The following LDLRAD3 variants were observed in gnomAD, a reference collection of about 807,000 sequenced individuals.
LDLRAD3 encodes low density lipoprotein receptor class A domain containing 3.
LDLRAD3 carries 20 observed loss-of-function variants against 29.4 expected under a neutral mutation model. The ratio of observed to expected loss-of-function variants is 0.68; its 90% CI spans 0.48 to 0.99. The LOEUF is 0.99. LDLRAD3 is among the 50% of genes least tolerant of loss of function. The pLI is 0.00. For synonymous variants in LDLRAD3, 157 were observed against 192.7 expected (o/e 0.81, Z 1.53); for missense variants, 420 against 454.3 (o/e 0.92, Z 0.69).
intron 2 of LDLRAD3, among the ~76,000 whole-genome samples, chr11:36,066,554 T>C (rs950301317): frequency 1.1e-4 from 16 of 152,240 alleles, no homozygotes; most frequent in Non-Finnish European, 2.1e-4. Context: ...CATATGTGTG[T>C]GCATTACAAA....
chr11:36,174,678 C>T (rs1468778861), intron 4 of LDLRAD3, among the ~76,000 whole-genome samples: 1 of 152,170 alleles, frequency 6.6e-6, no homozygotes, highest in African/African-American at 2.4e-5. Context: ...CCATCTCACA[C>T]CAGTTAGAAT....
chr11:36,021,772 G>C (rs1307341928), intron 1 of LDLRAD3, among the ~76,000 whole-genome samples: 1 of 152,162 alleles, frequency 6.6e-6, no homozygotes. Context: ...CTCCTGAGTA[G>C]CTGTGACTTA....
rs981924545 is a variant in LDLRAD3 at position 36,068,807 on chromosome 11, C to T, written c.194-12846C>T. Among the ~76,000 whole-genome samples the T allele has an allele frequency of 5.3e-5, 8 of 152,304 alleles. No homozygotes were observed. The East Asian group carries it at 7.7e-4, about 15-fold the overall frequency. On this transcript the variant is annotated intron_variant, in intron 2 of 5. Coordinates refer to ENST00000315571, the MANE Select transcript of LDLRAD3 (RefSeq NM_174902.4). Reference sequence around the variant, plus strand: ...CTGGGATTACAGGCGTGAGCCACCGCGCCCAGCCCAGAAACCTAGATGCTT... The same window carrying T: ...CTGGGATTACAGGCGTGAGCCACCGTGCCCAGCCCAGAAACCTAGATGCTT...
chr11:36,221,516 A>G (rs1855429044), intron 4 of LDLRAD3, among the ~76,000 whole-genome samples: 1 of 152,096 alleles, frequency 6.6e-6, no homozygotes, highest in Non-Finnish European at 1.5e-5. Context: ...ACAATAAAGG[A>G]ACTGAGCCAG....
chr11:36,090,805 C>T (rs1476643917), intron 3 of LDLRAD3, among the ~76,000 whole-genome samples: 10 of 152,094 alleles, frequency 6.6e-5, no homozygotes, highest in Non-Finnish European at 4.4e-5. Context: ...GTGCAGAATG[C>T]GGCTGTACAT....
At chr11:36,164,240 G>C (rs887057018) in intron 4 of LDLRAD3, among the ~76,000 whole-genome samples, 2 of 152,186 alleles carry the variant, frequency 1.3e-5, no homozygotes, top group Admixed American at 6.5e-5. Flanking sequence ...GCACATGGGC[G>C]TTGGGTTTGC....
intron 4 of LDLRAD3, among the ~76,000 whole-genome samples, chr11:36,207,127 T>C (rs533090617): frequency 2.6e-5 from 4 of 152,316 alleles, no homozygotes; most frequent in African/African-American, 9.6e-5. Context: ...AAGTTTCAAC[T>C]AGGGGGTTTC....
chr11:36,076,940 G>C (rs2133252544), intron 2 of LDLRAD3, among the ~76,000 whole-genome samples: 1 of 152,134 alleles, frequency 6.6e-6, no homozygotes, highest in African/African-American at 2.4e-5. Flanking sequence ...CTTCAGTGTG[G>C]TGGTGTTATT....
chr11:36,181,621 A>T (rs1443901685), intron 4 of LDLRAD3, among the ~76,000 whole-genome samples: 4 of 152,140 alleles, frequency 2.6e-5, no homozygotes, highest in Non-Finnish European at 5.9e-5. Flanking sequence ...GTGGGGTTGG[A>T]TATGAGCTGT....
At chr11:36,163,404 G>C (rs374961514) in intron 4 of LDLRAD3, 3 of 152,342 alleles carry the variant, frequency 2.0e-5, no homozygotes, top group African/African-American at 7.2e-5. Context: ...GCCCAGCCTG[G>C]TTTGAATTAG....
At chr11:36,168,327 G>T (rs543939839) in intron 4 of LDLRAD3, among the ~76,000 whole-genome samples, 1 of 152,180 alleles carries the variant, frequency 6.6e-6, no homozygotes, top group African/African-American at 2.4e-5. Flanking sequence ...GCAATTTTTG[G>T]TGCCTCCCTG....
intron 4 of LDLRAD3, among the ~76,000 whole-genome samples, chr11:36,200,164 TA>T (rs531110414): frequency 1.7e-3 from 263 of 151,858 alleles, no homozygotes; most frequent in Non-Finnish European, 3.0e-3. Flanking sequence ...AGACTCCATC[TA>T]AAAAAAATAA....
chr11:36,137,484 G>A (rs1387630377), intron 4 of LDLRAD3, among the ~76,000 whole-genome samples: 1 of 152,204 alleles, frequency 6.6e-6, no homozygotes, highest in African/African-American at 2.4e-5. Flanking sequence ...GATTCTGAAG[G>A]TGAAGCATTC....
At chr11:36,000,941 G>A (rs1851816437) in intron 1 of LDLRAD3, 1 of 152,248 alleles carries the variant, frequency 6.6e-6, no homozygotes, top group Non-Finnish European at 1.5e-5. Context: ...GGGAAGGATG[G>A]GAAATGTGTG....
chr11:35,962,451 T>C (rs1482648360), intron 1 of LDLRAD3, among the ~76,000 whole-genome samples: 1 of 152,174 alleles, frequency 6.6e-6, no homozygotes, highest in Non-Finnish European at 1.5e-5. Context: ...ATACCCACCC[T>C]CTGGGGCCGT....
intron 2 of LDLRAD3, among the ~76,000 whole-genome samples, chr11:36,068,668 C>T (rs920223136): frequency 3.9e-5 from 6 of 152,148 alleles, no homozygotes; most frequent in Admixed American, 3.9e-4. Flanking sequence ...AGGCATGTGC[C>T]ACCACACCTG....
At chr11:36,063,486 C>A (rs1852737987) in intron 2 of LDLRAD3, among the ~76,000 whole-genome samples, 2 of 152,222 alleles carry the variant, frequency 1.3e-5, no homozygotes, top group African/African-American at 4.8e-5. Context: ...CTGGACATTT[C>A]ATATAATGGA....
rs4485080 is a variant in LDLRAD3, at chr11:36,219,399, C to A, written c.455-7686C>A. Among the ~76,000 whole-genome samples the A allele has an allele frequency of 1.9e-4, 29 of 151,974 alleles. 1 individual carries two copies. Among genetic ancestry groups the A allele is most frequent in the Admixed American group, 6.6e-5 (1 of 15,266 alleles). ...GCGTGCAAGACACACTACCTCATTT[C>A]GAGACTTAACTATAAAGCTGTAGTT... On this transcript the variant is annotated intron_variant, in intron 4 of 5. Coordinates refer to ENST00000315571, the MANE Select transcript of LDLRAD3 (RefSeq NM_174902.4).
chr11:36,146,595 C>A (rs1164320071), intron 4 of LDLRAD3, among the ~76,000 whole-genome samples: 3 of 152,146 alleles, frequency 2.0e-5, no homozygotes, highest in Admixed American at 1.3e-4. Context: ...TTTGTTCCTT[C>A]TGCGGACCCT....
Sources: gnomAD v4.1 joint callset for allele counts (sites outside exome capture counted in the v4.1 genomes callset) on GRCh38, gnomAD v4.1.1 for gene constraint, MANE v1.5 for transcripts, NCBI Gene and HGNC (gene_info 2026-07-23, HGNC 2026-07-21) for gene names.